The following FAM168A variants were observed in gnomAD, a reference collection of about 807,000 sequenced individuals.
FAM168A encodes protein FAM168A.
Under a neutral mutation model 28.5 loss-of-function variants are expected in FAM168A, and 3 were observed. The observed-to-expected ratio is 0.11, with a 90% CI of 0.05 to 0.27. FAM168A has a LOEUF of 0.27. Among genes scored for constraint, FAM168A ranks in the 10% least tolerant of loss-of-function variants. The pLI is 1.00. For synonymous variants in FAM168A, 122 were observed against 124.2 expected (o/e 0.98, Z 0.12); for missense variants, 222 against 311.5 (o/e 0.71, Z 2.16).
intron 1 of FAM168A, among the ~76,000 whole-genome samples, chr11:73,542,986 T>G (rs1241052696): frequency 2.0e-5 from 3 of 152,178 alleles, no homozygotes; most frequent in African/African-American, 7.2e-5. Context: ...GCCTAAAGAA[T>G]TCTTCCCTCA....
chr11:73,477,079 CTGGAGGTCA>C (rs1867898286), intron 1 of FAM168A, among the ~76,000 whole-genome samples: 2 of 151,988 alleles, frequency 1.3e-5, no homozygotes, highest in South Asian at 4.1e-4. Flanking sequence ...ATGGATGCAG[CTGGAGGTCA>C]TTATCCTAAG....
At chr11:73,409,998 G>A (rs1372789408) in intron 5 of FAM168A, among the ~76,000 whole-genome samples, 1 of 151,948 alleles carries the variant, frequency 6.6e-6, no homozygotes, top group Admixed American at 6.6e-5. Flanking sequence ...CAATCAATCA[G>A]TTACCAAGCA....
At chr11:73,443,476 A>T (rs1199128762) in intron 2 of FAM168A, among the ~76,000 whole-genome samples, 1 of 152,192 alleles carries the variant, frequency 6.6e-6, no homozygotes, top group Non-Finnish European at 1.5e-5. Context: ...GTGAGAGAAG[A>T]GGGAAGAAAG....
At chr11:73,439,268 C>T (rs1867149608) in intron 2 of FAM168A, among the ~76,000 whole-genome samples, 1 of 152,142 alleles carries the variant, frequency 6.6e-6, no homozygotes, top group South Asian at 2.1e-4. Flanking sequence ...AGGCACTGTT[C>T]TCATCTAGGG....
intron 1 of FAM168A, among the ~76,000 whole-genome samples, chr11:73,486,610 G>A (rs1868056844): frequency 6.6e-6 from 1 of 152,118 alleles, no homozygotes; most frequent in Admixed American, 6.5e-5. Flanking sequence ...TCATTTATTA[G>A]CTTTTAGAGA....
At chr11:73,427,266 C>T (rs1370480096) in intron 3 of FAM168A, among the ~76,000 whole-genome samples, 1 of 151,692 alleles carries the variant, frequency 6.6e-6, no homozygotes, top group Non-Finnish European at 1.5e-5. Flanking sequence ...GCTGAGATTA[C>T]AGGTGTGAGC....
At position 73,531,802 on chromosome 11, in the gene FAM168A, C is replaced by CTTT. The variant is rs35314829; in HGVS notation, c.-18-63313_-18-63311dup. Among the ~76,000 whole-genome samples, 50 of 121,790 alleles carry CTTT rather than the reference C, an allele frequency of 4.1e-4. 3 individuals are homozygous for CTTT. The highest frequency in any genetic ancestry group is 1.3e-3 in the African/African-American group (40 of 29,730). The allele number at this position is 121,790 out of a possible 152,430, so 79.9% of individuals were successfully genotyped here. ...CCTGCAAAGCACAGACCAAGTATCACTTTTTTTTTTTTTTTTTTTTGAGAC... is the reference window on the plus strand; with the variant it reads ...CCTGCAAAGCACAGACCAAGTATCACTTTTTTTTTTTTTTTTTTTTTTTGAGAC... On this transcript the variant is annotated intron_variant, in intron 1 of 7. Transcript: ENST00000356467.
intron 1 of FAM168A, among the ~76,000 whole-genome samples, chr11:73,512,254 C>T (rs558065842): frequency 1.3e-5 from 2 of 152,192 alleles, no homozygotes; most frequent in Non-Finnish European, 2.9e-5. Context: ...TCCCATATCA[C>T]GCTTATAACT....
At chr11:73,572,151 G>T (rs1400689052) in intron 1 of FAM168A, among the ~76,000 whole-genome samples, 14 of 151,858 alleles carry the variant, frequency 9.2e-5, no homozygotes, top group African/African-American at 3.4e-4. Context: ...ACCCCGTCCG[G>T]GAGGGAGGTG....
At chr11:73,516,226 T>A (rs1315865885) in intron 1 of FAM168A, among the ~76,000 whole-genome samples, 1 of 152,192 alleles carries the variant, frequency 6.6e-6, no homozygotes, top group African/African-American at 2.4e-5. Context: ...ATAAAAGGCT[T>A]GTAGTCAAAA....
intron 1 of FAM168A, among the ~76,000 whole-genome samples, chr11:73,564,824 C>T (rs1944003539): frequency 6.6e-6 from 1 of 150,422 alleles, no homozygotes; most frequent in Non-Finnish European, 1.5e-5. Context: ...GTGGTAAGTG[C>T]CATACAGCCA....
chr11:73,442,021 T>A (rs532029584), intron 2 of FAM168A, among the ~76,000 whole-genome samples: 1 of 152,324 alleles, frequency 6.6e-6, no homozygotes, highest in East Asian at 1.9e-4. Context: ...CACTGATTTC[T>A]TTATCATGTC....
intron 2 of FAM168A, among the ~76,000 whole-genome samples, chr11:73,452,590 G>C (rs1867451331): frequency 6.6e-6 from 1 of 152,130 alleles, no homozygotes; most frequent in Admixed American, 6.5e-5. Context: ...AAGGAGGCCT[G>C]TTCTCCATAG....
At chr11:73,472,841 G>A (rs544959784) in intron 1 of FAM168A, among the ~76,000 whole-genome samples, 6 of 152,172 alleles carry the variant, frequency 3.9e-5, no homozygotes, top group Non-Finnish European at 8.8e-5. Context: ...CCATTTACTG[G>A]TGAGAACTAT....
chr11:73,520,438 A>G (rs1254773750), intron 1 of FAM168A, among the ~76,000 whole-genome samples: 1 of 152,208 alleles, frequency 6.6e-6, no homozygotes, highest in Non-Finnish European at 1.5e-5. Context: ...TGAATACTGT[A>G]TAACTAGATG....
At chr11:73,534,866 C>A (rs1394545368) in intron 1 of FAM168A, among the ~76,000 whole-genome samples, 1 of 152,094 alleles carries the variant, frequency 6.6e-6, no homozygotes, top group Non-Finnish European at 1.5e-5. Flanking sequence ...GGTCTCCAGA[C>A]AAAGAAATAA....
chr11:73,414,885 T>C (rs1233078351), intron 4 of FAM168A, among the ~76,000 whole-genome samples: 1 of 152,214 alleles, frequency 6.6e-6, no homozygotes, highest in East Asian at 1.9e-4. Flanking sequence ...AATGCCATGA[T>C]TTTATGATTC....
At chr11:73,423,790 G>A (rs1023715620) in intron 3 of FAM168A, among the ~76,000 whole-genome samples, 1 of 152,092 alleles carries the variant, frequency 6.6e-6, no homozygotes, top group Non-Finnish European at 1.5e-5. Flanking sequence ...ACTAAACTGT[G>A]AGCTCCTTGA....
At chr11:73,419,165 G>T (rs929574082) in intron 4 of FAM168A, among the ~76,000 whole-genome samples, 1 of 152,178 alleles carries the variant, frequency 6.6e-6, no homozygotes, top group Non-Finnish European at 1.5e-5. Context: ...ACCACTTTGT[G>T]TTAAAAATTA....
Sources: allele counts gnomAD v4.1 joint callset (sites outside exome capture counted in the v4.1 genomes callset), GRCh38; gene constraint gnomAD v4.1.1; transcripts MANE v1.5; gene names NCBI Gene and HGNC (gene_info 2026-07-23, HGNC 2026-07-21).